CDH20: variants seen among roughly 807,000 people sequenced by gnomAD.
The protein encoded by CDH20 is cadherin 20.
A neutral mutation model predicts 74.2 loss-of-function variants in CDH20; 29 were observed. The observed-to-expected ratio is 0.39, with a 90% CI of 0.29 to 0.53. The LOEUF is 0.53. CDH20 is among the 20% of genes least tolerant of loss of function. CDH20 has a pLI of 0.69. For missense variants in CDH20, 988 were observed against 1,048.3 expected, an observed-to-expected ratio of 0.94 and a Z score of 0.79; for synonymous variants, 469 against 405.4, an observed-to-expected ratio of 1.16 and a Z score of -1.88.
chr18:61,525,842 C>T (rs6567217), intron 6 of CDH20, among the ~76,000 whole-genome samples: 152,232 of 152,252 alleles, frequency 1, 76,106 homozygotes, highest in Non-Finnish European at 1. Flanking sequence ...AAGGTGTCTC[C>T]GTCACTCAGG....
chr18:61,397,409 C>T (rs1401734483), intron 1 of CDH20, among the ~76,000 whole-genome samples: 1 of 152,142 alleles, frequency 6.6e-6, no homozygotes, highest in Non-Finnish European at 1.5e-5. Flanking sequence ...GCTGCAGCCC[C>T]GCAGCCCTGT....
At chr18:61,483,826 GACAA>G (rs1910670570) in intron 1 of CDH20, among the ~76,000 whole-genome samples, 1 of 152,154 alleles carries the variant, frequency 6.6e-6, no homozygotes, top group Admixed American at 6.5e-5. Flanking sequence ...GTTTGTAAAT[GACAA>G]ACAGAGACAT....
chr18:61,373,831 C>A (rs1911121351), intron 1 of CDH20, among the ~76,000 whole-genome samples: 1 of 152,092 alleles, frequency 6.6e-6, no homozygotes, highest in Admixed American at 6.6e-5. Flanking sequence ...TATGTCATGT[C>A]TGGGAAGATC....
intron 10 of CDH20, among the ~76,000 whole-genome samples, chr18:61,546,870 CGAG>C (rs1913267607): frequency 6.6e-6 from 1 of 152,188 alleles, no homozygotes; most frequent in Admixed American, 6.5e-5. Context: ...ATTTATCTCA[CGAG>C]TATCCTTTAC....
At position 61,490,793 on chromosome 18, in the gene CDH20, C is replaced by A. The variant is rs759748535; in HGVS notation, c.240C>A (p.Val80=). The change falls in exon 2 of 12, where the codon GTC becomes GTA. Residue 80 remains valine, a synonymous_variant. Transcript: ENST00000262717. ...EEYTGTDPLY[V]GKLHSDMDRG... ...ACACTGGGACCGACCCTTTGTATGT[C>A]GGCAAGGTAAGAAATGCCAAGTAGA... The A allele has an allele frequency of 8.7e-6, 14 of 1,613,704 alleles. No homozygotes were observed. The highest frequency in any genetic ancestry group is 1.1e-5 in the Non-Finnish European group (13 of 1,179,838).
At chr18:61,492,493 A>C (rs1354140773) in intron 2 of CDH20, among the ~76,000 whole-genome samples, 1 of 152,082 alleles carries the variant, frequency 6.6e-6, no homozygotes, top group Non-Finnish European at 1.5e-5. Context: ...TGTGCATTGA[A>C]TCCTCCAGAC....
chr18:61,377,532 T>C (rs1300486931), intron 1 of CDH20, among the ~76,000 whole-genome samples: 1 of 152,076 alleles, frequency 6.6e-6, no homozygotes, highest in Non-Finnish European at 1.5e-5. Flanking sequence ...CTTTGAGTTT[T>C]TACTTGGCCG....
intron 1 of CDH20, among the ~76,000 whole-genome samples, chr18:61,437,037 G>A (rs1259853560): frequency 1.3e-5 from 2 of 152,116 alleles, no homozygotes; most frequent in Middle Eastern, 3.2e-3. Context: ...CTGGAACATA[G>A]TAGGCACTCA....
intron 1 of CDH20, among the ~76,000 whole-genome samples, chr18:61,434,671 G>T (rs1053895535): frequency 2.0e-5 from 3 of 152,060 alleles, no homozygotes; most frequent in Admixed American, 6.6e-5. Context: ...TGCTCACTGT[G>T]CCTGCACCCC....
chr18:61,337,255 C>T (rs1909790582), intron 1 of CDH20, among the ~76,000 whole-genome samples: 1 of 152,188 alleles, frequency 6.6e-6, no homozygotes, highest in South Asian at 2.1e-4. Flanking sequence ...CTCAGGGCTG[C>T]CACTTTTTAT....
chr18:61,541,411 T>TC lies in CDH20; in HGVS notation c.1530+2272dup, dbSNP rs200153219. ...AGTAGCAGAGTAAATTAAACCTCCT[T>TC]CCCCCCAAAATAAAGGGCTTCAGAG... is the stretch of plus-strand genomic sequence containing the variant. On this transcript the variant is annotated intron_variant, in intron 9 of 11. Transcript: ENST00000262717. 7.5e-3 allele frequency among the ~76,000 whole-genome samples: 1,146 copies of TC among 151,998 alleles called. 7 individuals carry two copies. The highest frequency in any genetic ancestry group is 0.014 in the Middle Eastern group (4 of 294).
In CDH20 at chr18:61,499,357, C is replaced by A; in HGVS notation, c.418C>A (p.Arg140=). The change falls in exon 3 of 12, where the codon CGG becomes AGG. Residue 140 remains arginine (R), a synonymous_variant. Coordinates refer to ENST00000262717, the MANE Select transcript of CDH20 (RefSeq NM_031891.4). ...YTLRAQALDR[R]TGRPMEPESE... is the part of the protein sequence containing the mutation. ...TCTAAGGGCTCAAGCCCTAGACAGGCGGACGGGCAGGCCAATGGAGCCCGA... is the reference window on the plus strand; with the variant it reads ...TCTAAGGGCTCAAGCCCTAGACAGGAGGACGGGCAGGCCAATGGAGCCCGA... 1.2e-6 allele frequency: 2 copies of A among 1,614,020 alleles called. No individual in the cohort carries two copies. The highest frequency in any genetic ancestry group is 2.2e-5 in the East Asian group (1 of 44,872).
At chr18:61,334,321 G>A (rs1909677846) in intron 1 of CDH20, 1 of 152,218 alleles carries the variant, frequency 6.6e-6, no homozygotes, top group Non-Finnish European at 1.5e-5. Flanking sequence ...GGGAGGCGCA[G>A]GCACCTACGG....
rs1912821618 is a variant in CDH20, at chr18:61,536,475, T to C, written c.1272-18T>C. ...CTTACCCAAATGCAAATGATGTACGTAATCCATGTTTCTGCAGATACTCCA... is the reference window on the plus strand; with the variant it reads ...CTTACCCAAATGCAAATGATGTACGCAATCCATGTTTCTGCAGATACTCCA... On this transcript the variant is annotated intron_variant, in intron 7 of 11. Coordinates refer to ENST00000262717, the MANE Select transcript of CDH20 (RefSeq NM_031891.4). 1.2e-6 allele frequency: 2 copies of C among 1,612,150 alleles called. No individual in the cohort carries two copies. Among genetic ancestry groups the C allele is most frequent in the Middle Eastern group, 1.6e-4 (1 of 6,062 alleles).
chr18:61,549,991 G>T lies in CDH20; in HGVS notation c.1662G>T (p.Arg554=). The T allele has an allele frequency of 6.2e-7, 1 of 1,614,040 alleles. No individual in the cohort carries two copies. Residue 554 remains arginine (R), a synonymous_variant, in exon 11 of 12, where the codon CGG becomes CGT. Transcript: ENST00000262717. Reference sequence around the variant, plus strand: ...TCCTTCTTTCAGATAACACAGCACGGATTCTAACCAGGAGGTCTGGTTTCC... The same window carrying T: ...TCCTTCTTTCAGATAACACAGCACGTATTCTAACCAGGAGGTCTGGTTTCC... ...TIRDNQDNTA[R]ILTRRSGFRQ...
chr18:61,385,703 T>C (rs1264362505), intron 1 of CDH20, among the ~76,000 whole-genome samples: 7 of 151,882 alleles, frequency 4.6e-5, no homozygotes, highest in South Asian at 2.1e-4. Flanking sequence ...GAGGTCAAGG[T>C]GGGCAGATCA....
At chr18:61,347,493 C>T (rs544627500) in intron 1 of CDH20, among the ~76,000 whole-genome samples, 53 of 149,234 alleles carry the variant, frequency 3.6e-4, no homozygotes, top group East Asian at 8.0e-4. Flanking sequence ...GTACTCCAGC[C>T]GGGTTGATGG....
chr18:61,476,136 G>A (rs920034428), intron 1 of CDH20, among the ~76,000 whole-genome samples: 6 of 152,098 alleles, frequency 3.9e-5, no homozygotes, highest in South Asian at 2.1e-4. Flanking sequence ...GTTAAGATGC[G>A]TGTGGACTTT....
intron 1 of CDH20, among the ~76,000 whole-genome samples, chr18:61,345,083 A>G (rs138274981): frequency 3.9e-4 from 59 of 152,302 alleles, no homozygotes; most frequent in African/African-American, 1.4e-3. Flanking sequence ...AACTTTGCAA[A>G]TTAAATCGGG....
Sources: allele counts gnomAD v4.1 joint callset (sites outside exome capture counted in the v4.1 genomes callset), GRCh38; gene constraint gnomAD v4.1.1; transcripts MANE v1.5; gene names NCBI Gene and HGNC (gene_info 2026-07-23, HGNC 2026-07-21).